Variants in DMD observed in about 807,000 individuals in gnomAD.
The protein encoded by DMD is dystrophin, also known as mutant dystrophin.
DMD carries 63 observed loss-of-function variants against 330.1 expected under a neutral mutation model. The ratio of observed to expected loss-of-function variants is 0.19; its 90% CI spans 0.16 to 0.24. The LOEUF (loss-of-function observed/expected upper bound fraction) is 0.24, where lower values mean the gene tolerates loss of function less well. Among genes scored for constraint, DMD ranks in the 10% least tolerant of loss-of-function variants. The pLI, the probability that DMD is intolerant of heterozygous loss-of-function variation, is 1.00. For missense variants in DMD, 3,344 were observed against 2,684.1 expected, an observed-to-expected ratio of 1.25 and a Z score of -5.43; for synonymous variants, 1,223 against 959.8, an observed-to-expected ratio of 1.27 and a Z score of -5.07.
intron 47 of DMD, among the ~76,000 whole-genome samples, chrX:31,892,394 C>A (rs1043772242): frequency 1.7e-4 from 19 of 110,406 alleles, no homozygotes; most frequent in African/African-American, 5.9e-4. Context: ...CTATTGAGCA[C>A]CCAGCCCAGA....
At chrX:32,617,773 A>C (rs1253505019) in intron 11 of DMD, among the ~76,000 whole-genome samples, 1 of 111,575 alleles carries the variant, frequency 9.0e-6, no homozygotes, top group Non-Finnish European at 1.9e-5. Context: ...TTAAAAATTA[A>C]CAGAGTAAAG....
At chrX:31,523,196 CTG>C (rs769025270) in intron 55 of DMD, among the ~76,000 whole-genome samples, 1 of 111,512 alleles carries the variant, frequency 9.0e-6, no homozygotes, top group South Asian at 3.9e-4. Context: ...GAATGAAACA[CTG>C]TTCTAGCATA....
intron 51 of DMD, among the ~76,000 whole-genome samples, chrX:31,736,542 A>AT (rs1316327598): frequency 8.9e-6 from 1 of 112,002 alleles, no homozygotes; most frequent in African/African-American, 3.2e-5. Flanking sequence ...TGGGAAATAC[A>AT]TAAGAAACAA....
intron 51 of DMD, among the ~76,000 whole-genome samples, chrX:31,748,393 G>A (rs1406995213): frequency 8.9e-6 from 1 of 112,032 alleles, no homozygotes; most frequent in Non-Finnish European, 1.9e-5. Context: ...AGCAACATTA[G>A]GAACCTGAGA....
At chrX:32,201,643 C>T (rs1569550573) in intron 44 of DMD, among the ~76,000 whole-genome samples, 3 of 111,370 alleles carry the variant, frequency 2.7e-5, no homozygotes, top group Middle Eastern at 4.7e-3. Context: ...CAAACACAGC[C>T]AAAGATTGTC....
At chrX:32,878,918 G>C (rs1449181019) in intron 2 of DMD, among the ~76,000 whole-genome samples, 14 of 107,963 alleles carry the variant, frequency 1.3e-4, no homozygotes, top group African/African-American at 4.4e-4. Flanking sequence ...TGAGGCAGGA[G>C]AGTTGCTTGA....
At chrX:32,427,649 A>G (rs1254832875) in intron 29 of DMD, among the ~76,000 whole-genome samples, 1 of 109,433 alleles carries the variant, frequency 9.1e-6, no homozygotes, top group Non-Finnish European at 1.9e-5. Flanking sequence ...TTCTAACCTT[A>G]TATTTTCCAG....
In DMD at chrX:32,638,891, T is replaced by TG. The variant is rs780789959; in HGVS notation, c.1331+5240dup. On this transcript the variant is annotated intron_variant, in intron 11 of 78. Coordinates refer to ENST00000357033, the MANE Select transcript of DMD (RefSeq NM_004006.3). ...TTATTTCCAGAGTCAAATAGACACT[T>TG]GGGGGAAAAAAAAAGAGATGAGCCA... Among the ~76,000 whole-genome samples, 28 of 110,916 alleles carry TG rather than the reference T, an allele frequency of 2.5e-4. No homozygotes were observed. The East Asian group carries it at 7.7e-3, about 31-fold the overall frequency.
upstream of DMD, among the ~76,000 whole-genome samples, chrX:33,212,652 G>C (rs1443891317): frequency 9.0e-6 from 1 of 111,504 alleles, no homozygotes; most frequent in Non-Finnish European, 1.9e-5. Flanking sequence ...GTCAGACTGT[G>C]ATGTTTACCT....
At chrX:32,412,187 A>G in intron 29 of DMD, 1 of 1,089,198 alleles carries the variant, frequency 9.2e-7, no homozygotes, top group Non-Finnish European at 1.2e-6. Context: ...TGGAAAAAAA[A>G]TTAGCAAAAT....
chrX:31,684,810 G>A (rs747729295), intron 52 of DMD, among the ~76,000 whole-genome samples: 4 of 111,836 alleles, frequency 3.6e-5, no homozygotes, highest in African/African-American at 9.7e-5. Context: ...ATCAAGCCTC[G>A]TCTATCTTTC....
chrX:33,264,876 A>T (rs759869886), intron 1 of DMD, among the ~76,000 whole-genome samples: 39 of 110,607 alleles, frequency 3.5e-4, no homozygotes, highest in Non-Finnish European at 4.0e-4. Flanking sequence ...TTATCCTGGC[A>T]CAGAAATTAT....
intron 60 of DMD, among the ~76,000 whole-genome samples, chrX:31,382,454 C>G (rs1039020885): frequency 2.7e-5 from 3 of 111,540 alleles, no homozygotes; most frequent in African/African-American, 9.8e-5. Flanking sequence ...TACACTGTTT[C>G]TCCAAGCCAT....
intron 44 of DMD, among the ~76,000 whole-genome samples, chrX:32,171,578 T>G (rs2096887843): frequency 9.0e-6 from 1 of 111,640 alleles, no homozygotes; most frequent in African/African-American, 3.2e-5. Context: ...AACAGTGAGT[T>G]TCAATGAAAT....
chrX:31,411,217 T>C (rs997489504), intron 60 of DMD, among the ~76,000 whole-genome samples: 1 of 111,363 alleles, frequency 9.0e-6, no homozygotes, highest in African/African-American at 3.3e-5. Flanking sequence ...GTAAAGAAAC[T>C]TCTCTACTTA....
At chrX:33,107,894 G>A (rs186464918) in intron 1 of DMD, among the ~76,000 whole-genome samples, 14 of 111,136 alleles carry the variant, frequency 1.3e-4, no homozygotes, top group Admixed American at 1.2e-3. Context: ...TTCCTTAAAT[G>A]ATACTATTCT....
chrX:32,689,137 T>G (rs1396298049), intron 9 of DMD, among the ~76,000 whole-genome samples: 1 of 111,395 alleles, frequency 9.0e-6, no homozygotes, highest in Non-Finnish European at 1.9e-5. Flanking sequence ...ATACTATCCT[T>G]ATAAAATTTT....
intron 1 of DMD, among the ~76,000 whole-genome samples, chrX:33,043,330 A>G (rs1049054730): frequency 9.0e-6 from 1 of 111,570 alleles, no homozygotes; most frequent in Admixed American, 9.6e-5. Flanking sequence ...CACCTGATCT[A>G]TTTCTTAAAA....
intron 2 of DMD, among the ~76,000 whole-genome samples, chrX:33,008,745 CATCAG>C (rs2093449581): frequency 1.0e-5 from 1 of 97,088 alleles, no homozygotes; most frequent in African/African-American, 3.7e-5. Context: ...TATATATATA[CATCAG>C]ATAAGTATTT....
Sources: gnomAD v4.1 joint callset for allele counts (sites outside exome capture counted in the v4.1 genomes callset) on GRCh38, gnomAD v4.1.1 for gene constraint, MANE v1.5 for transcripts, NCBI Gene and HGNC (gene_info 2026-07-23, HGNC 2026-07-21) for gene names.